Variants in LCOR observed in about 807,000 individuals in gnomAD.
The protein encoded by LCOR is ligand-dependent corepressor.
A neutral mutation model predicts 64.4 loss-of-function variants in LCOR; 14 were observed. That is an observed-to-expected ratio of 0.22 (90% CI 0.14 to 0.34). The LOEUF (loss-of-function observed/expected upper bound fraction) is 0.34. Among genes scored for constraint, LCOR ranks in the 10% least tolerant of loss-of-function variants. LCOR has a pLI of 1.00. For missense variants in LCOR, 1,686 were observed against 1,765.3 expected (o/e 0.96, Z 0.80); for synonymous variants, 643 against 642.5 (o/e 1.00, Z -0.01).
chr10:96,981,963 T>G lies in LCOR; in HGVS notation c.1503T>G (p.Thr501=), dbSNP rs1848091550. 6.2e-7 allele frequency: 1 copy of G among 1,614,116 alleles called. No homozygotes were observed. The highest frequency in any genetic ancestry group is 8.5e-7 in the Non-Finnish European group (1 of 1,180,036). ...LSSRKTARKS[T]RGYFFNGDCC... ...CTCGGAAAACAGCCAGAAAGAGTAC[T>G]CGAGGATACTTTTTCAATGGTGACT... Residue 501 remains threonine (T), a synonymous_variant, in exon 8 of 8, where the codon ACT becomes ACG. Transcript: ENST00000421806.
In LCOR at chr10:96,935,166, T is replaced by G. The variant is rs1431267549; in HGVS notation, c.-183-8947T>G. On this transcript the variant is annotated intron_variant, in intron 4 of 7. Transcript: ENST00000421806. ...TTTTTTTTTTTTTTTTTTTTTTTTT[T>G]GAGACAGAGTGTCACTCTGTCACCC... Among the ~76,000 whole-genome samples, 8 of 122,980 alleles carry G rather than the reference T, an allele frequency of 6.5e-5. No homozygotes were observed. The East Asian group carries it at 8.2e-4, about 13-fold the overall frequency. 80.7% of individuals were successfully genotyped at this position (122,980 alleles called of 152,430 possible). A position where few individuals can be genotyped will look rare whatever the true frequency, so the allele number is the denominator to read the frequency against.
At chr10:96,852,439 C>A (rs1845735999) in intron 2 of LCOR, among the ~76,000 whole-genome samples, 1 of 152,096 alleles carries the variant, frequency 6.6e-6, no homozygotes, top group Admixed American at 6.6e-5. Context: ...ACAACAAAAA[C>A]CGACAAATTA....
rs1848120430 is a variant in LCOR at position 96,983,962 on chromosome 10, TCTC to T, written c.3505_3507del (p.Pro1169del). 1.2e-6 allele frequency: 2 copies of T among 1,614,154 alleles called. No individual in the cohort carries two copies. Among genetic ancestry groups the T allele is most frequent in the Non-Finnish European group, 1.7e-6 (2 of 1,180,024 alleles). On this transcript the variant is annotated inframe_deletion, in exon 8 of 8. Transcript: ENST00000421806. This position sits in a 1 kb window ranked among gnomAD's most constrained non-coding sequence, Gnocchi z 4.5. Reference sequence around the variant, plus strand: ...GAGTTCATTGGAGAGTCAGAAGTGTTCTCCTGTTCAGATGCTCTTTATGACAAA... The same window carrying T: ...GAGTTCATTGGAGAGTCAGAAGTGTTCTGTTCAGATGCTCTTTATGACAAA...
chr10:96,864,457 C>T (rs982190240), intron 2 of LCOR, among the ~76,000 whole-genome samples: 4 of 152,140 alleles, frequency 2.6e-5, no homozygotes, highest in Non-Finnish European at 5.9e-5. Context: ...CTGTGAACAT[C>T]TTTACTAGCT....
intron 7 of LCOR, among the ~76,000 whole-genome samples, chr10:96,954,281 G>A (rs963455342): frequency 6.6e-6 from 1 of 152,138 alleles, no homozygotes; most frequent in Admixed American, 6.5e-5. Flanking sequence ...AATGCAGTGG[G>A]TCTTTTGGTT....
intron 4 of LCOR, among the ~76,000 whole-genome samples, chr10:96,922,577 C>T (rs1220434829): frequency 6.6e-6 from 1 of 152,162 alleles, no homozygotes; most frequent in Non-Finnish European, 1.5e-5. Flanking sequence ...AGGGAACCTT[C>T]TGATTGAGAT....
chr10:96,872,473 G>A (rs1172104746), intron 2 of LCOR, among the ~76,000 whole-genome samples: 6 of 152,134 alleles, frequency 3.9e-5, no homozygotes, highest in African/African-American at 7.2e-5. Flanking sequence ...TGGGTGGATC[G>A]CTTGAGATCA....
intron 4 of LCOR, among the ~76,000 whole-genome samples, chr10:96,918,464 C>T (rs116631264): frequency 0.048 from 7,352 of 152,180 alleles, 606 homozygotes; most frequent in African/African-American, 0.17. Flanking sequence ...GAAATGAATA[C>T]ACGCTACTGG....
At chr10:96,881,706 C>G (rs1846266063) in intron 2 of LCOR, among the ~76,000 whole-genome samples, 1 of 152,182 alleles carries the variant, frequency 6.6e-6, no homozygotes. Flanking sequence ...ATCCACCCAT[C>G]TCAGCCTCCC....
At chr10:96,970,629 T>TTTTATTTTA (rs1847991249) in intron 7 of LCOR, among the ~76,000 whole-genome samples, 8 of 114,810 alleles carry the variant, frequency 7.0e-5, no homozygotes, top group African/African-American at 3.4e-4. Context: ...ATTTTATTTA[T>TTTTATTTTA]TTTATTTTAT....
chr10:96,971,146 TAGAG>T lies in LCOR; in HGVS notation c.333-9644_333-9641del, dbSNP rs1220258846. 3.9e-5 allele frequency among the ~76,000 whole-genome samples: 6 copies of T among 152,302 alleles called. No homozygotes were observed. The East Asian group carries it at 9.6e-4, about 24-fold the overall frequency. On this transcript the variant is annotated intron_variant, in intron 7 of 7. Transcript: ENST00000421806. ...TTTCATCCCAGTTTTCCTGGTACCT[TAGAG>T]AGCACACTTGGACTGCCTGTGTGCT... is the stretch of plus-strand genomic sequence containing the variant.
At chr10:96,969,549 C>CT (rs1847979104) in intron 7 of LCOR, among the ~76,000 whole-genome samples, 1 of 151,998 alleles carries the variant, frequency 6.6e-6, no homozygotes, top group African/African-American at 2.4e-5. Flanking sequence ...TTGTAGACTT[C>CT]TTTTTGCATG....
chr10:96,878,045 T>C (rs1278466949), intron 2 of LCOR, among the ~76,000 whole-genome samples: 1 of 152,228 alleles, frequency 6.6e-6, no homozygotes, highest in African/African-American at 2.4e-5. Flanking sequence ...GAGAGTACTA[T>C]TTTGCATCCA....
At chr10:96,915,345 C>T (rs1396049900) in intron 4 of LCOR, among the ~76,000 whole-genome samples, 3 of 152,100 alleles carry the variant, frequency 2.0e-5, no homozygotes, top group African/African-American at 4.8e-5. Context: ...ATGGTAAAAC[C>T]GTGTCTCTAC....
At chr10:96,897,520 A>G (rs139909066) in intron 2 of LCOR, among the ~76,000 whole-genome samples, 1 of 152,220 alleles carries the variant, frequency 6.6e-6, no homozygotes, top group African/African-American at 2.4e-5. Flanking sequence ...CAAAGACTTA[A>G]TCTGACCTAG....
chr10:96,978,186 C>G (rs1848053360), intron 7 of LCOR, among the ~76,000 whole-genome samples: 1 of 152,224 alleles, frequency 6.6e-6, no homozygotes, highest in South Asian at 2.1e-4. Flanking sequence ...GAAAAGTCTG[C>G]AGCTGCATGA....
chr10:96,943,074 T>C lies in LCOR; in HGVS notation c.-183-1039T>C, dbSNP rs145108088. 3.4e-4 allele frequency among the ~76,000 whole-genome samples: 50 copies of C among 148,448 alleles called. 1 individual carries two copies. The highest frequency in any genetic ancestry group is 1.4e-3 in the Admixed American group (21 of 14,728). On this transcript the variant is annotated intron_variant, in intron 4 of 7. Transcript: ENST00000421806. ...TTATAGTGCAGCATATTGGAACTTT[T>C]TGGTCAGAGAAACTTTCTGACCTAC...
chr10:96,846,631 A>T (rs1845634507), intron 2 of LCOR, among the ~76,000 whole-genome samples: 1 of 152,234 alleles, frequency 6.6e-6, no homozygotes, highest in Non-Finnish European at 1.5e-5. Context: ...TTCCTTTGTG[A>T]GACTTGTATA....
intron 2 of LCOR, among the ~76,000 whole-genome samples, chr10:96,902,929 A>G (rs1174899863): frequency 6.6e-6 from 1 of 152,180 alleles, no homozygotes; most frequent in Non-Finnish European, 1.5e-5. Flanking sequence ...AACCTAGATA[A>G]TATAGCCTAC....
Sources: gnomAD v4.1 joint callset for allele counts (sites outside exome capture counted in the v4.1 genomes callset) on GRCh38, gnomAD v4.1.1 for gene constraint, Gnocchi (gnomAD v3.1) non-coding constraint, MANE v1.5 for transcripts, NCBI Gene and HGNC (gene_info 2026-07-23, HGNC 2026-07-21) for gene names.